Variants in ABCA9 observed in about 807,000 individuals in gnomAD.
ABCA9 encodes the protein ATP-binding cassette sub-family A member 9.
ABCA9 carries 183 observed loss-of-function variants against 205.3 expected under a neutral mutation model. The observed-to-expected ratio is 0.89, with a 90% CI of 0.79 to 1.01. The LOEUF is 1.01. ABCA9 is among the 50% of genes least tolerant of loss of function. ABCA9 has a pLI of 0.00. For synonymous variants in ABCA9, 651 were observed against 683.3 expected, an observed-to-expected ratio of 0.95 and a Z score of 0.74; for missense variants, 1,805 against 1,912.4, an observed-to-expected ratio of 0.94 and a Z score of 1.05.
At chr17:69,067,632 GAAAC>G in the ABCA9 span, among the ~76,000 whole-genome samples, 4 of 150,272 alleles carry the variant, frequency 2.7e-5, no homozygotes, top group Admixed American at 2.7e-4. Flanking sequence ...AAGAAAGAAA[GAAAC>G]AAAGAGAAAG....
In ABCA9 at chr17:69,021,741, C is replaced by T; in HGVS notation, c.2401+1G>A. On this transcript the variant is annotated splice_donor_variant, in intron 18 of 38. Coordinates refer to ENST00000340001, the MANE Select transcript of ABCA9 (RefSeq NM_080283.4). LOFTEE classifies it high-confidence loss of function. Reference sequence around the variant, plus strand: ...TCTTTCTCTTTCTTATTTTTTCTTACCTGATTCATCAATAGTTGATTTTCC... The same window carrying T: ...TCTTTCTCTTTCTTATTTTTTCTTATCTGATTCATCAATAGTTGATTTTCC... 1 of 1,540,800 alleles carries T rather than the reference C, an allele frequency of 6.5e-7. No homozygotes were observed. The highest frequency in any genetic ancestry group is 8.8e-7 in the Non-Finnish European group (1 of 1,134,798).
rs769651145 is a variant in ABCA9 at position 69,051,033 on chromosome 17, A to G, written c.94T>C (p.Leu32=). The G allele has an allele frequency of 3.7e-6, 6 of 1,613,384 alleles. No individual in the cohort carries two copies. The highest frequency in any genetic ancestry group is 1.3e-5 in the African/African-American group (1 of 74,920). ...KKWRMKRQTL[L]EWLFSFLLVL... Reference sequence around the variant, plus strand: ...AACACATAGACTCTGAAGCATACCAACAAGGTCTGTCTTTTCATTCTCCAT... The same window carrying G: ...AACACATAGACTCTGAAGCATACCAGCAAGGTCTGTCTTTTCATTCTCCAT... Residue 32 remains leucine, a splice_region_variant and synonymous_variant, in exon 2 of 39, where the codon TTG becomes CTG. Transcript: ENST00000340001.
At chr17:68,985,913 C>T (rs999383365) in intron 32 of ABCA9, among the ~76,000 whole-genome samples, 1 of 151,940 alleles carries the variant, frequency 6.6e-6, no homozygotes, top group African/African-American at 2.4e-5. Flanking sequence ...GCACTCCAGC[C>T]TGGGCGGCAG....
chr17:68,994,922 A>G (rs2069567940), intron 26 of ABCA9, among the ~76,000 whole-genome samples: 1 of 151,968 alleles, frequency 6.6e-6, no homozygotes, highest in African/African-American at 2.4e-5. Flanking sequence ...TACCCTCCCT[A>G]TTCATTTATT....
the ABCA9 span, among the ~76,000 whole-genome samples, chr17:69,073,534 A>G: frequency 3.9e-5 from 6 of 152,362 alleles, no homozygotes; most frequent in Admixed American, 6.5e-5. Context: ...GCAGAAATAA[A>G]TAAGTTCTTT....
the ABCA9 span, among the ~76,000 whole-genome samples, chr17:69,077,232 A>T: frequency 6.6e-6 from 1 of 152,134 alleles, no homozygotes; most frequent in East Asian, 1.9e-4. Flanking sequence ...TATTTCAAAA[A>T]ATTTTTTTTA....
At chr17:69,026,600 C>A (rs192233487) in intron 15 of ABCA9, 133 bp from the exon 16 acceptor site, 1 of 776,194 alleles carries the variant, frequency 1.3e-6, no homozygotes, top group South Asian at 1.9e-5. Flanking sequence ...TCTGGCCATA[C>A]GTAAACCACT....
chr17:69,033,541 C>G, intron 9 of ABCA9, 185 bp downstream of exon 9: 1 of 438,142 alleles, frequency 2.3e-6, no homozygotes, highest in Non-Finnish European at 4.1e-6. Context: ...AAGAAACACT[C>G]TGGAGTGTTA....
chr17:69,020,496 T>G lies in ABCA9; in HGVS notation c.2492A>C (p.Glu831Ala), dbSNP rs1420588039. ...ELEQVLSSFH[E>A]TRKTISGVAL... ...CACGCCACTGATTGTTTTCCTTGTT[T>G]CGTGGAAGGAAGACAAAACTTGTTC... The change falls in exon 19 of 39, where the codon GAA (glutamate) becomes GCA (alanine). Residue 831 changes from glutamate to alanine, a missense_variant. Transcript: ENST00000340001. 6.2e-7 allele frequency: 1 copy of G among 1,614,142 alleles called. No individual in the cohort carries two copies. Among genetic ancestry groups the G allele is most frequent in the South Asian group, 1.1e-5 (1 of 91,084 alleles).
chr17:69,028,794 A>G (rs72851735), intron 11 of ABCA9, 149 bp from the exon 12 acceptor site: 12,385 of 475,274 alleles, frequency 0.026, 417 homozygotes, highest in African/African-American at 0.11. Flanking sequence ...TTAAAACTGT[A>G]TTTCAACATT....
chr17:69,002,663 G>T (rs1012823661), intron 25 of ABCA9, among the ~76,000 whole-genome samples: 2 of 150,520 alleles, frequency 1.3e-5, no homozygotes, highest in African/African-American at 4.9e-5. Flanking sequence ...TTCAATTCCT[G>T]GGTATCCTTG....
At chr17:69,044,629 C>T (rs113065728) in intron 4 of ABCA9, 29 bp from the exon 5 acceptor site, 245 of 1,590,906 alleles carry the variant, frequency 1.5e-4, no homozygotes, top group East Asian at 2.7e-4. Flanking sequence ...TCCATTATTA[C>T]GGAATGATAC....
chr17:69,032,045 A>G, intron 10 of ABCA9, 63 bp downstream of exon 10: 1 of 1,494,612 alleles, frequency 6.7e-7, no homozygotes, highest in Non-Finnish European at 9.1e-7. Context: ...CTAGTGTGTC[A>G]CCTGACAGAT....
chr17:68,992,520 A>G (rs1362380967), intron 27 of ABCA9: 3 of 272,522 alleles, frequency 1.1e-5, no homozygotes, highest in Non-Finnish European at 2.1e-5. Context: ...TATTGTAAAG[A>G]TAGGAGTCCA....
intron 37 of ABCA9, among the ~76,000 whole-genome samples, chr17:68,980,545 A>G (rs1273168786): frequency 1.3e-5 from 2 of 152,124 alleles, no homozygotes; most frequent in Non-Finnish European, 2.9e-5. Flanking sequence ...CACATGTCCA[A>G]CAATGATAGA....
chr17:69,058,465 A>G (rs936519588), intron 1 of ABCA9, among the ~76,000 whole-genome samples: 1 of 152,164 alleles, frequency 6.6e-6, no homozygotes, highest in Non-Finnish European at 1.5e-5. Flanking sequence ...GAGCCTATCC[A>G]TGGTCTATTG....
At chr17:69,000,215 G>A (rs1273578477) in intron 25 of ABCA9, among the ~76,000 whole-genome samples, 15 of 151,842 alleles carry the variant, frequency 9.9e-5, no homozygotes, top group Admixed American at 9.8e-4. Context: ...CCTATGTCCT[G>A]AATGGTAATG....
At position 69,041,226 on chromosome 17, in the gene ABCA9, C is replaced by T. The variant is rs561275040; in HGVS notation, c.800+2263G>A. On this transcript the variant is annotated intron_variant, in intron 6 of 38. Coordinates refer to ENST00000340001, the MANE Select transcript of ABCA9 (RefSeq NM_080283.4). ...TCCCTTTGCACAGTACACTTTCATT[C>T]ATCTGAAATTGTTCATCTATATTCT... is the stretch of plus-strand genomic sequence containing the variant. Among the ~76,000 whole-genome samples, 5 of 152,188 alleles carry T rather than the reference C, an allele frequency of 3.3e-5. No homozygotes were observed. In the East Asian group the frequency reaches 7.7e-4, roughly 24 times the overall value.
chr17:69,067,204 C>T, the ABCA9 span, among the ~76,000 whole-genome samples: 1 of 151,902 alleles, frequency 6.6e-6, no homozygotes, highest in South Asian at 2.1e-4. Context: ...TGGAAATTTT[C>T]TTAATATATA....
Sources: allele counts gnomAD v4.1 joint callset (sites outside exome capture counted in the v4.1 genomes callset), GRCh38; gene constraint gnomAD v4.1.1; transcripts MANE v1.5; gene names NCBI Gene and HGNC (gene_info 2026-07-23, HGNC 2026-07-21).